Variants in SLCO2A1 observed in about 807,000 individuals in gnomAD.
SLCO2A1 encodes solute carrier organic anion transporter family member 2A1, also known as matrin F/G 1.
Under a neutral mutation model 71.7 loss-of-function variants are expected in SLCO2A1, and 60 were observed. The ratio of observed to expected loss-of-function variants is 0.84; its 90% CI spans 0.68 to 1.04. The LOEUF (loss-of-function observed/expected upper bound fraction) is 1.04. Ranked by LOEUF, SLCO2A1 falls within the 50% of genes least tolerant of loss-of-function variation. SLCO2A1 has a pLI of 0.00. For synonymous variants in SLCO2A1, 308 were observed against 326.7 expected (o/e 0.94, Z 0.62); for missense variants, 745 against 813.4 (o/e 0.92, Z 1.02).
chr3:133,941,348 C>T (rs1933413752), intron 11 of SLCO2A1, among the ~76,000 whole-genome samples: 1 of 151,998 alleles, frequency 6.6e-6, no homozygotes, highest in African/African-American at 2.4e-5. Context: ...AGCAATTTAC[C>T]ATATAATCCT....
At chr3:133,995,954 G>A (rs1015055712) in intron 1 of SLCO2A1, among the ~76,000 whole-genome samples, 2 of 152,152 alleles carry the variant, frequency 1.3e-5, no homozygotes, top group Non-Finnish European at 2.9e-5. Context: ...GCAAGCCCTT[G>A]TCGACATTTT....
intron 1 of SLCO2A1, among the ~76,000 whole-genome samples, chr3:134,005,512 T>G (rs1935194026): frequency 6.7e-6 from 1 of 148,808 alleles, no homozygotes; most frequent in Non-Finnish European, 1.5e-5. Flanking sequence ...GACGGAGTCT[T>G]GCTCTGCTGC....
At chr3:133,979,158 A>T (rs1934526127) in intron 2 of SLCO2A1, among the ~76,000 whole-genome samples, 1 of 152,222 alleles carries the variant, frequency 6.6e-6, no homozygotes, top group Non-Finnish European at 1.5e-5. Flanking sequence ...ACCTGGAGCA[A>T]GCCACTTGTA....
At chr3:134,011,694 T>C (rs1177456633) in intron 1 of SLCO2A1, among the ~76,000 whole-genome samples, 1 of 152,140 alleles carries the variant, frequency 6.6e-6, no homozygotes, top group Non-Finnish European at 1.5e-5. Flanking sequence ...AGATGCCCTG[T>C]GTGAGGGGTC....
Position 133,947,286 on chromosome 3 carries a change from G to C in SLCO2A1, c.1265C>G (p.Thr422Ser), listed in dbSNP as rs1400257143. ...CVPLFFMGCSTPTVAEVYPPS... is the reference protein window; with the variant it reads ...CVPLFFMGCSSPTVAEVYPPS... The stretch of plus-strand genomic sequence containing the variant: ...GGGGTAGACTTCGGCCACAGTTGGG[G>C]TGGAGCATCCCATGAAGAACAAAGG... The change falls in exon 9 of 14, where the codon ACC (threonine) becomes AGC (serine). Residue 422 changes from threonine (T) to serine (S), a missense_variant. Transcript: ENST00000310926. 3 of 1,614,170 alleles carry C rather than the reference G, an allele frequency of 1.9e-6. No individual in the cohort carries two copies. The highest frequency in any genetic ancestry group is 1.7e-5 in the Admixed American group (1 of 60,026).
intron 1 of SLCO2A1, among the ~76,000 whole-genome samples, chr3:133,981,053 C>G (rs1246950192): frequency 6.6e-6 from 1 of 152,240 alleles, no homozygotes; most frequent in Non-Finnish European, 1.5e-5. Context: ...TGTCATCCCA[C>G]TCTCTTTTCA....
At chr3:133,978,002 C>T (rs1934499098) in intron 2 of SLCO2A1, among the ~76,000 whole-genome samples, 1 of 152,116 alleles carries the variant, frequency 6.6e-6, no homozygotes, top group African/African-American at 2.4e-5. Context: ...AAGGCACACA[C>T]ATAGGCCTGG....
At chr3:133,973,599 C>T (rs1467775334) in intron 3 of SLCO2A1, 64 bp downstream of exon 3, 8 of 1,565,536 alleles carry the variant, frequency 5.1e-6, no homozygotes, top group African/African-American at 1.4e-5. Flanking sequence ...GGAGTATCCC[C>T]ACTAACTTTG....
intron 1 of SLCO2A1, among the ~76,000 whole-genome samples, chr3:133,987,840 G>T (rs1168247522): frequency 6.6e-6 from 1 of 152,178 alleles, no homozygotes; most frequent in Non-Finnish European, 1.5e-5. Flanking sequence ...ACACACAGCC[G>T]GTGACCTCTC....
At chr3:133,958,505 A>C (rs748717383) in intron 3 of SLCO2A1, among the ~76,000 whole-genome samples, 3 of 152,200 alleles carry the variant, frequency 2.0e-5, no homozygotes, top group Non-Finnish European at 4.4e-5. Flanking sequence ...GACAGGTAAC[A>C]TGGCCCCATG....
At chr3:134,014,228 G>C (rs1935397005) in intron 1 of SLCO2A1, among the ~76,000 whole-genome samples, 1 of 152,146 alleles carries the variant, frequency 6.6e-6, no homozygotes, top group African/African-American at 2.4e-5. Context: ...AGTGCCAAAT[G>C]CTGACCAGAC....
Position 133,942,656 on chromosome 3 carries a change from A to C in SLCO2A1, c.1574T>G (p.Val525Gly), listed in dbSNP as rs1933455292. The C allele has an allele frequency of 1.2e-6, 2 of 1,613,828 alleles. No homozygotes were observed. Among genetic ancestry groups the C allele is most frequent in the African/African-American group, 2.7e-5 (2 of 74,900 alleles). Reference protein sequence around the residue: ...LLPAIFLISFVSLIACISHNP... With the variant: ...LLPAIFLISFGSLIACISHNP... ...GTGGGAGATGCAGGCTATCAGGGAC[A>C]CGAAGGAGATGAGGAAGATGGCCGG... The change falls in exon 11 of 14, where the codon GTG (valine) becomes GGG (glycine). Residue 525 changes from valine to glycine, a missense_variant. Val to Gly is a moderately radical substitution (Grantham distance 109). Transcript: ENST00000310926.
chr3:133,994,922 A>G (rs1383021611), intron 1 of SLCO2A1, among the ~76,000 whole-genome samples: 1 of 152,084 alleles, frequency 6.6e-6, no homozygotes, highest in African/African-American at 2.4e-5. Flanking sequence ...AACTATCATG[A>G]CTTCCTACCC....
At chr3:133,989,233 T>G (rs1248346539) in intron 1 of SLCO2A1, among the ~76,000 whole-genome samples, 1 of 152,248 alleles carries the variant, frequency 6.6e-6, no homozygotes, top group Admixed American at 6.5e-5. Flanking sequence ...GCCTTTGAGC[T>G]GCTTGCTAGG....
chr3:133,986,942 G>A (rs1934727569), intron 1 of SLCO2A1, among the ~76,000 whole-genome samples: 1 of 152,160 alleles, frequency 6.6e-6, no homozygotes, highest in South Asian at 2.1e-4. Context: ...GGTCACAGTG[G>A]CATCTAACCG....
In SLCO2A1 at chr3:134,021,497, C is replaced by T. The variant is rs181014752; in HGVS notation, c.96+8210G>A. ...CACTTGGTTACAGCTGGTTTTAGAC[C>T]CCCCGCCCCCAACACACAGTGGTTG... On this transcript the variant is annotated intron_variant, in intron 1 of 13. Transcript: ENST00000310926. Among the ~76,000 whole-genome samples, 196 of 152,008 alleles carry T rather than the reference C, an allele frequency of 1.3e-3. 1 individual carries two copies. The highest frequency in any genetic ancestry group is 2.4e-3 in the Non-Finnish European group (161 of 67,984).
chr3:133,980,662 C>T (rs772325686), intron 1 of SLCO2A1, among the ~76,000 whole-genome samples: 10 of 152,242 alleles, frequency 6.6e-5, no homozygotes, highest in South Asian at 2.1e-4. Context: ...GGAGAGCAAC[C>T]GGGGCTCCAC....
intron 11 of SLCO2A1, 152 bp from the exon 12 acceptor site, chr3:133,938,645 T>A: frequency 1.5e-6 from 1 of 683,992 alleles, no homozygotes. Flanking sequence ...CTGAATGCTC[T>A]AGTTCTTTAC....
At chr3:133,947,494 C>A in intron 8 of SLCO2A1, 49 bp from the exon 9 acceptor site, 1 of 1,497,494 alleles carries the variant, frequency 6.7e-7, no homozygotes, top group Non-Finnish European at 9.1e-7. Flanking sequence ...CCTGGGACTG[C>A]ATGTGGGCTA....
Sources: gnomAD v4.1 joint callset for allele counts (sites outside exome capture counted in the v4.1 genomes callset) on GRCh38, gnomAD v4.1.1 for gene constraint, MANE v1.5 for transcripts, NCBI Gene and HGNC (gene_info 2026-07-23, HGNC 2026-07-21) for gene names.